Variants in POU2F1 observed in about 807,000 individuals in gnomAD.
The protein encoded by POU2F1 is POU domain, class 2, transcription factor 1.
POU2F1 carries 16 observed loss-of-function variants against 84.9 expected under a neutral mutation model. The ratio of observed to expected loss-of-function variants is 0.19; its 90% CI spans 0.13 to 0.29. The LOEUF (loss-of-function observed/expected upper bound fraction) is 0.29, where lower values mean the gene tolerates loss of function less well. POU2F1 is among the 10% of genes least tolerant of loss of function. POU2F1 has a pLI of 1.00. For synonymous variants in POU2F1, 368 were observed against 368.3 expected, an observed-to-expected ratio of 1.00 and a Z score of 0.01; for missense variants, 738 against 942.6, an observed-to-expected ratio of 0.78 and a Z score of 2.84.
At chr1:167,406,846 AAG>A (rs1649611384) in intron 13 of POU2F1, among the ~76,000 whole-genome samples, 1 of 151,972 alleles carries the variant, frequency 6.6e-6, no homozygotes, top group African/African-American at 2.4e-5. Context: ...AATTTGCTGA[AAG>A]AAGTTAAAAG....
intron 1 of POU2F1, among the ~76,000 whole-genome samples, chr1:167,239,833 G>A (rs552812331): frequency 8.0e-4 from 122 of 151,914 alleles, no homozygotes; most frequent in African/African-American, 2.8e-3. Flanking sequence ...ACTTTACACC[G>A]TACACAAAAA....
intron 1 of POU2F1, among the ~76,000 whole-genome samples, chr1:167,321,865 T>C (rs1656336032): frequency 6.6e-6 from 1 of 152,212 alleles, no homozygotes; most frequent in East Asian, 1.9e-4. Flanking sequence ...ATAATTGTTC[T>C]GGAATTAGAA....
intron 1 of POU2F1, among the ~76,000 whole-genome samples, chr1:167,311,709 A>C (rs569764592): frequency 6.6e-6 from 1 of 152,082 alleles, no homozygotes; most frequent in East Asian, 1.9e-4. Context: ...GAAAGAAAAT[A>C]TTTTTTGTGC....
chr1:167,365,325 T>G, intron 2 of POU2F1, 142 bp from the exon 3 acceptor site: 1 of 531,306 alleles, frequency 1.9e-6, no homozygotes, highest in Admixed American at 4.1e-5. Context: ...ACTGTTTCCT[T>G]TCTTTTGAAT....
intron 7 of POU2F1, among the ~76,000 whole-genome samples, chr1:167,381,974 G>A (rs1224084349): frequency 1.2e-5 from 1 of 80,062 alleles, no homozygotes; most frequent in African/African-American, 4.4e-5. Context: ...TATTTAATTA[G>A]TTTTAATAGT....
At chr1:167,228,937 C>T (rs1241265112) in intron 1 of POU2F1, among the ~76,000 whole-genome samples, 1 of 152,160 alleles carries the variant, frequency 6.6e-6, no homozygotes, top group Non-Finnish European at 1.5e-5. Flanking sequence ...GCAAGCGTTA[C>T]TATACCCATT....
chr1:167,310,518 C>G (rs1298285796), intron 1 of POU2F1, among the ~76,000 whole-genome samples: 1 of 151,764 alleles, frequency 6.6e-6, no homozygotes, highest in African/African-American at 2.4e-5. Flanking sequence ...GCTGTTATAA[C>G]AGTAAATTCT....
intron 1 of POU2F1, among the ~76,000 whole-genome samples, chr1:167,260,113 C>T (rs552664467): frequency 9.2e-5 from 14 of 152,212 alleles, no homozygotes; most frequent in African/African-American, 3.4e-4. Flanking sequence ...CTCCTGACCT[C>T]GTGATCCGCC....
chr1:167,360,595 C>G (rs1659293818), intron 2 of POU2F1, among the ~76,000 whole-genome samples: 1 of 152,094 alleles, frequency 6.6e-6, no homozygotes, highest in African/African-American at 2.4e-5. Flanking sequence ...ATTAAGTAGC[C>G]TTGTAGTATA....
Position 167,374,131 on chromosome 1 carries a change from A to G in POU2F1, c.426A>G (p.Gln142=). The G allele has an allele frequency of 1.2e-6, 2 of 1,614,162 alleles. No individual in the cohort carries two copies. The highest frequency in any genetic ancestry group is 1.7e-6 in the Non-Finnish European group (2 of 1,180,014). Residue 142 remains glutamine, a synonymous_variant, in exon 6 of 16, where the codon CAA becomes CAG. Coordinates refer to ENST00000367866, the MANE Select transcript of POU2F1 (RefSeq NM_002697.4). ...AGCTTACTTTGACGCCTGCCCAGCA[A>G]CAGTTACTACTCCAGCAGGCACAGG... ...ITGLTLTPAQ[Q]QLLLQQAQAQ...
intron 8 of POU2F1, among the ~76,000 whole-genome samples, chr1:167,384,411 TA>T (rs972112176): frequency 6.6e-6 from 1 of 152,104 alleles, no homozygotes; most frequent in African/African-American, 2.4e-5. Flanking sequence ...ATAATTATAT[TA>T]AAAAAATTTA....
rs542036482 is a variant in POU2F1 at position 167,397,792 on chromosome 1, G to A, written c.1130-202G>A. On this transcript the variant is annotated intron_variant, in intron 10 of 15. Transcript: ENST00000367866. ...ACTCCTGACCTCAAGTGATCCTCCC[G>A]CCTCAGCCTCCCAAAGTGCTGGGAT... 3.3e-5 allele frequency among the ~76,000 whole-genome samples: 5 copies of A among 152,202 alleles called. No homozygotes were observed. In the South Asian group the frequency reaches 6.2e-4, roughly 19 times the overall value.
At chr1:167,273,057 C>T (rs969830423) in intron 1 of POU2F1, among the ~76,000 whole-genome samples, 11 of 152,134 alleles carry the variant, frequency 7.2e-5, no homozygotes, top group African/African-American at 2.4e-4. Flanking sequence ...AACCAAAAGA[C>T]AGGGGCTACA....
At chr1:167,309,665 T>C (rs1173550561) in intron 1 of POU2F1, among the ~76,000 whole-genome samples, 4 of 152,316 alleles carry the variant, frequency 2.6e-5, no homozygotes, top group Middle Eastern at 3.4e-3. Context: ...TCTATTCTTA[T>C]TTATTTTTAA....
intron 1 of POU2F1, among the ~76,000 whole-genome samples, chr1:167,275,824 C>T (rs999341689): frequency 3.9e-5 from 6 of 152,188 alleles, no homozygotes; most frequent in Non-Finnish European, 2.9e-5. Context: ...CTGTGAAACA[C>T]TGCTTATGTC....
intron 1 of POU2F1, among the ~76,000 whole-genome samples, chr1:167,278,235 A>T (rs1252309123): frequency 6.6e-6 from 1 of 152,088 alleles, no homozygotes; most frequent in Non-Finnish European, 1.5e-5. Flanking sequence ...TTCATTCTTC[A>T]CGTCTCAACA....
At chr1:167,224,825 CTTTTTTTTTT>C (rs774351969) in intron 1 of POU2F1, among the ~76,000 whole-genome samples, 1 of 122,216 alleles carries the variant, frequency 8.2e-6, no homozygotes, top group Non-Finnish European at 1.7e-5. Flanking sequence ...TCACTGTCTT[CTTTTTTTTTT>C]TTTTTTTTTT....
At chr1:167,396,982 A>G (rs1042185130) in intron 10 of POU2F1, among the ~76,000 whole-genome samples, 2 of 152,188 alleles carry the variant, frequency 1.3e-5, no homozygotes, top group Admixed American at 6.5e-5. Context: ...CCCTTAAACT[A>G]TGGTTCTTAT....
At chr1:167,245,502 C>T (rs1286018461) in intron 1 of POU2F1, among the ~76,000 whole-genome samples, 1 of 151,736 alleles carries the variant, frequency 6.6e-6, no homozygotes, top group East Asian at 1.9e-4. Context: ...CAACCTCCAC[C>T]TACCCGGTTC....
Sources: allele counts gnomAD v4.1 joint callset (sites outside exome capture counted in the v4.1 genomes callset), GRCh38; gene constraint gnomAD v4.1.1; transcripts MANE v1.5; gene names NCBI Gene and HGNC (gene_info 2026-07-23, HGNC 2026-07-21).